SUMF1: variants seen among roughly 807,000 people sequenced by gnomAD.
The protein encoded by SUMF1 is formylglycine-generating enzyme.
Under a neutral mutation model 47.6 loss-of-function variants are expected in SUMF1, and 48 were observed. The observed-to-expected ratio is 1.01, with a 90% confidence interval of 0.80 to 1.28. The LOEUF (loss-of-function observed/expected upper bound fraction) is 1.28, where lower values mean the gene tolerates loss of function less well. Ranked by LOEUF, SUMF1 falls within the 50% of genes most tolerant of loss-of-function variation. The pLI is 0.00. For synonymous variants in SUMF1, 230 were observed against 192.1 expected (o/e 1.20, Z -1.63); for missense variants, 571 against 485.4 (o/e 1.18, Z -1.66).
chr3:4,277,851 C>T (rs543324559), intron 8 of SUMF1, among the ~76,000 whole-genome samples: 59 of 152,132 alleles, frequency 3.9e-4, no homozygotes, highest in African/African-American at 1.3e-3. Context: ...CCACAAGTAC[C>T]TTTAAACAGG....
At chr3:4,103,669 C>T (rs1045206986) in intron 8 of SUMF1, among the ~76,000 whole-genome samples, 6 of 152,116 alleles carry the variant, frequency 3.9e-5, no homozygotes, top group Admixed American at 3.3e-4. Flanking sequence ...TAAACACCAA[C>T]ATTTAATGGA....
intron 8 of SUMF1, among the ~76,000 whole-genome samples, chr3:4,232,340 A>T (rs1016148194): frequency 6.6e-6 from 1 of 152,128 alleles, no homozygotes. Flanking sequence ...CCCGCGATGA[A>T]TAATATCCAA....
At chr3:4,456,773 C>CATATATACGTGTGTGTGTATACGTGTAT (rs2079634307) in intron 1 of SUMF1, among the ~76,000 whole-genome samples, 1 of 4,062 alleles carries the variant, frequency 2.5e-4, no homozygotes, top group South Asian at 8.6e-3. Context: ...TATATATACA[C>CATATATACGTGTGTGTGTATACGTGTAT]ATATATACGT....
At chr3:4,321,043 C>G (rs1029871423) in intron 8 of SUMF1, among the ~76,000 whole-genome samples, 14 of 152,038 alleles carry the variant, frequency 9.2e-5, no homozygotes, top group Non-Finnish European at 1.8e-4. Flanking sequence ...TACATGTATA[C>G]TGGAATTAAA....
chr3:4,114,318 T>G (rs534177605), intron 8 of SUMF1, among the ~76,000 whole-genome samples: 111 of 152,172 alleles, frequency 7.3e-4, no homozygotes, highest in Middle Eastern at 3.4e-3. Context: ...CATCTACAGT[T>G]ACAAACCCCT....
At chr3:4,312,993 T>A in intron 8 of SUMF1, 1 of 1,614,056 alleles carries the variant, frequency 6.2e-7, no homozygotes, top group Non-Finnish European at 8.5e-7. Context: ...CCTGCCTCCC[T>A]GGCACTTGCT....
At chr3:4,179,349 T>C (rs746918757) in intron 8 of SUMF1, among the ~76,000 whole-genome samples, 22 of 152,008 alleles carry the variant, frequency 1.4e-4, no homozygotes, top group Non-Finnish European at 2.6e-4. Flanking sequence ...TATAGGCCAA[T>C]GGAACAGAAC....
chr3:4,407,346 G>A (rs1337951520), intron 7 of SUMF1, among the ~76,000 whole-genome samples: 1 of 152,178 alleles, frequency 6.6e-6, no homozygotes, highest in African/African-American at 2.4e-5. Context: ...CTCTGAAGAA[G>A]CTTTAAAATT....
chr3:4,386,128 T>C (rs1328856865), intron 7 of SUMF1, among the ~76,000 whole-genome samples: 1 of 152,216 alleles, frequency 6.6e-6, no homozygotes, highest in Non-Finnish European at 1.5e-5. Flanking sequence ...TGCCTTTCCA[T>C]ATATATTTCA....
intron 8 of SUMF1, among the ~76,000 whole-genome samples, chr3:4,132,067 AG>A (rs951774969): frequency 1.3e-5 from 2 of 152,162 alleles, no homozygotes; most frequent in African/African-American, 4.8e-5. Context: ...ACCTGGTGGC[AG>A]GTTGGTTATA....
downstream of SUMF1, among the ~76,000 whole-genome samples, chr3:4,356,355 G>A (rs765451522): frequency 6.6e-6 from 1 of 152,198 alleles, no homozygotes; most frequent in Admixed American, 6.5e-5. Context: ...TCAAGTTAAT[G>A]AAAATGGGCT....
At chr3:4,366,104 T>C (rs1301928906) in intron 8 of SUMF1, among the ~76,000 whole-genome samples, 1 of 151,984 alleles carries the variant, frequency 6.6e-6, no homozygotes. Flanking sequence ...TCTGATGGGC[T>C]TCCCTTCGTG....
chr3:4,142,481 C>A (rs564611761), intron 8 of SUMF1, among the ~76,000 whole-genome samples: 129 of 152,132 alleles, frequency 8.5e-4, no homozygotes, highest in Non-Finnish European at 1.1e-3. Context: ...ATTTTGTAAT[C>A]CTTAATTATT....
intron 8 of SUMF1, among the ~76,000 whole-genome samples, chr3:4,296,571 G>A (rs532323604): frequency 3.3e-5 from 5 of 152,240 alleles, no homozygotes; most frequent in African/African-American, 9.6e-5. Flanking sequence ...CAGGGGAACT[G>A]CCCTTTTATA....
intron 8 of SUMF1, among the ~76,000 whole-genome samples, chr3:4,116,892 G>T (rs899534759): frequency 2.0e-5 from 3 of 152,098 alleles, no homozygotes; most frequent in Non-Finnish European, 2.9e-5. Flanking sequence ...TAAGGTCAGG[G>T]ATGTGGGATT....
intron 6 of SUMF1, 43 bp downstream of exon 6, chr3:4,417,085 T>G (rs762680657): frequency 1.3e-6 from 2 of 1,588,420 alleles, no homozygotes; most frequent in Non-Finnish European, 8.6e-7. Flanking sequence ...GGAGCCTCAG[T>G]TCTCAGCAGC....
intron 7 of SUMF1, among the ~76,000 whole-genome samples, chr3:4,386,554 C>G (rs1174889630): frequency 6.6e-6 from 1 of 152,018 alleles, no homozygotes; most frequent in Non-Finnish European, 1.5e-5. Context: ...CAAATAGGGA[C>G]TGTTTTATTT....
chr3:4,366,659 G>A (rs1286775584), intron 8 of SUMF1, among the ~76,000 whole-genome samples: 2 of 151,990 alleles, frequency 1.3e-5, no homozygotes, highest in South Asian at 4.2e-4. Flanking sequence ...CCTTTGGTTT[G>A]AATTTCCTCC....
At chr3:4,217,953 C>A (rs760222402) in intron 8 of SUMF1, among the ~76,000 whole-genome samples, 2 of 151,978 alleles carry the variant, frequency 1.3e-5, no homozygotes, top group Non-Finnish European at 1.5e-5. Context: ...AGAATCTCAC[C>A]TTGAAATCCT....
Sources: allele counts gnomAD v4.1 joint callset (sites outside exome capture counted in the v4.1 genomes callset), GRCh38; gene constraint gnomAD v4.1.1; transcripts MANE v1.5; gene names NCBI Gene and HGNC (gene_info 2026-07-23, HGNC 2026-07-21).